OR2L13: variants seen among roughly 807,000 people sequenced by gnomAD.
The protein encoded by OR2L13 is olfactory receptor 2L13.
OR2L13 carries 14 observed loss-of-function variants against 15.3 expected under a neutral mutation model. That is an observed-to-expected ratio of 0.91 (90% confidence interval 0.60 to 1.43). The LOEUF is 1.43. OR2L13 is among the 40% of genes most tolerant of loss of function. The pLI is 0.00. For missense variants in OR2L13, 367 were observed against 387.9 expected (o/e 0.95, Z 0.45); for synonymous variants, 152 against 142.9 (o/e 1.06, Z -0.45).
chr1:248,020,879 A>G, the OR2L13 span, among the ~76,000 whole-genome samples: 16 of 151,360 alleles, frequency 1.1e-4, no homozygotes, highest in Non-Finnish European at 1.9e-4. Context: ...TCCAAGTCAC[A>G]TATGTATATA....
chr1:247,957,958 C>T, the OR2L13 span, among the ~76,000 whole-genome samples: 2 of 152,026 alleles, frequency 1.3e-5, no homozygotes, highest in Non-Finnish European at 1.5e-5. Flanking sequence ...CTGCTCTGAT[C>T]TTAGTTATTT....
the OR2L13 span, chr1:247,991,014 C>T: frequency 6.6e-7 from 1 of 1,525,658 alleles, no homozygotes; most frequent in East Asian, 2.3e-5. Context: ...TAGTGACTTT[C>T]TACTATGCAC....
chr1:247,985,284 G>A, the OR2L13 span, among the ~76,000 whole-genome samples: 8 of 147,426 alleles, frequency 5.4e-5, no homozygotes, highest in East Asian at 2.2e-4. Flanking sequence ...AACAGGCCCC[G>A]GTGTGTGATG....
chr1:248,047,990 T>C, the OR2L13 span, among the ~76,000 whole-genome samples: 3 of 152,208 alleles, frequency 2.0e-5, no homozygotes, highest in African/African-American at 4.8e-5. Flanking sequence ...TTTTTAGTAA[T>C]TGTAAGAGGT....
chr1:248,022,522 G>A, the OR2L13 span: 1 of 1,614,096 alleles, frequency 6.2e-7, no homozygotes, highest in Non-Finnish European at 8.5e-7. Context: ...ACAGACACCT[G>A]GGTCTATGAG....
chr1:247,984,765 A>G, the OR2L13 span, among the ~76,000 whole-genome samples: 1 of 152,148 alleles, frequency 6.6e-6, no homozygotes, highest in Admixed American at 6.6e-5. Context: ...TAACTATTTT[A>G]AGTGTGGAAT....
the OR2L13 span, among the ~76,000 whole-genome samples, chr1:248,000,109 CT>C: frequency 6.0e-3 from 748 of 123,708 alleles, 1 homozygote; most frequent in African/African-American, 0.011. Context: ...CTTTTTCTTT[CT>C]TTTTTTTTTT....
the OR2L13 span, among the ~76,000 whole-genome samples, chr1:247,938,211 G>A: frequency 2.6e-5 from 4 of 152,184 alleles, no homozygotes; most frequent in African/African-American, 7.2e-5. Context: ...GGTGTGCTAA[G>A]GAGTTTTATT....
At chr1:248,097,148 C>T (rs1664757914), upstream of OR2L13, 2 of 152,192 alleles carry the variant, frequency 1.3e-5, no homozygotes, top group East Asian at 1.9e-4. Flanking sequence ...CCTTTCTTTA[C>T]CTTAAAAACT....
rs148192313 is a variant in OR2L13, at chr1:248,100,053, T to C, written c.678T>C (p.His226=). The C allele has an allele frequency of 2.3e-4, 365 of 1,614,122 alleles. 1 individual carries two copies. In the African/African-American group the frequency reaches 4.4e-3, roughly 19 times the overall value. The change falls in exon 3 of 3, where the codon CAT becomes CAC. Residue 226 remains histidine (H), a synonymous_variant. Transcript: ENST00000641714. ...GCCGAGTCCTATTTGCTGTCTATCATATGCACTCAAAGGAGGGGAGAAAAA... is the reference window on the plus strand; with the variant it reads ...GCCGAGTCCTATTTGCTGTCTATCACATGCACTCAAAGGAGGGGAGAAAAA...
chr1:248,098,627 A>C (rs1664784200), intron 1 of OR2L13, 24 bp from the exon 2 acceptor site: 1 of 152,244 alleles, frequency 6.6e-6, no homozygotes, highest in Admixed American at 6.5e-5. Flanking sequence ...TAATTGCAAC[A>C]AACTATGATT....
At chr1:248,005,496 G>C in the OR2L13 span, among the ~76,000 whole-genome samples, 2 of 152,206 alleles carry the variant, frequency 1.3e-5, no homozygotes, top group African/African-American at 4.8e-5. Context: ...CTCCAGGTTT[G>C]TTCTTTTTGT....
At chr1:247,962,401 A>G in the OR2L13 span, among the ~76,000 whole-genome samples, 1 of 150,316 alleles carries the variant, frequency 6.7e-6, no homozygotes, top group Non-Finnish European at 1.5e-5. Flanking sequence ...GGAGAAGGAG[A>G]AGGGCTGAAT....
In OR2L13 at chr1:248,099,033, C is replaced by T. The variant is rs376496209; in HGVS notation, c.-19+258C>T. On this transcript the variant is annotated intron_variant, in intron 2 of 2. Transcript: ENST00000641714. ...TTAACATTTAATTGTGTTGTTCTAT[C>T]TAATTAAATTGGAAGACATGCTTAA... 5.9e-5 allele frequency among the ~76,000 whole-genome samples: 9 copies of T among 152,218 alleles called. No homozygotes were observed. The South Asian group carries it at 1.7e-3, about 28-fold the overall frequency.
At chr1:248,084,455 GAAT>G in the OR2L13 span, 4 of 1,606,894 alleles carry the variant, frequency 2.5e-6, no homozygotes, top group Non-Finnish European at 3.4e-6. Flanking sequence ...CGGTCCCGGT[GAAT>G]CAGGAGAATC....
chr1:247,948,772 G>T, the OR2L13 span: 5 of 1,109,000 alleles, frequency 4.5e-6, no homozygotes, highest in African/African-American at 1.6e-5. Context: ...GGGGGGGCTT[G>T]GAATGCATCC....
chr1:248,071,468 G>A, the OR2L13 span, among the ~76,000 whole-genome samples: 2 of 151,968 alleles, frequency 1.3e-5, no homozygotes, highest in Non-Finnish European at 2.9e-5. Context: ...GTATTGATGG[G>A]ACATATCTCA....
the OR2L13 span, among the ~76,000 whole-genome samples, chr1:247,985,262 C>T: frequency 1.3e-5 from 2 of 152,068 alleles, no homozygotes; most frequent in African/African-American, 4.8e-5. Context: ...CTTCCCCTAC[C>T]CCCTACCCCA....
At chr1:248,024,372 G>C in the OR2L13 span, 1 of 151,918 alleles carries the variant, frequency 6.6e-6, no homozygotes, top group Non-Finnish European at 1.5e-5. Context: ...TAAAATTCAA[G>C]GAAATATGCA....
Sources: gnomAD v4.1 joint callset for allele counts (sites outside exome capture counted in the v4.1 genomes callset) on GRCh38, gnomAD v4.1.1 for gene constraint, MANE v1.5 for transcripts, NCBI Gene and HGNC (gene_info 2026-07-23, HGNC 2026-07-21) for gene names.